The following CTTNBP2 variants were observed in gnomAD, a reference collection of about 807,000 sequenced individuals.
CTTNBP2 encodes cortactin-binding protein 2.
CTTNBP2 carries 108 observed loss-of-function variants against 156.9 expected under a neutral mutation model. That is an observed-to-expected ratio of 0.69 (90% confidence interval 0.59 to 0.81). The LOEUF (loss-of-function observed/expected upper bound fraction) is 0.81. Ranked by LOEUF, CTTNBP2 falls within the 30% of genes least tolerant of loss-of-function variation. CTTNBP2 has a pLI of 0.00. For synonymous variants in CTTNBP2, 767 were observed against 751.8 expected (o/e 1.02, Z -0.33); for missense variants, 1,924 against 2,035.4 (o/e 0.95, Z 1.05).
intron 2 of CTTNBP2, 54 bp from the exon 3 acceptor site, chr7:117,811,043 G>C: frequency 7.5e-7 from 1 of 1,333,948 alleles, no homozygotes; most frequent in Non-Finnish European, 1.1e-6. Context: ...TATACAGAAA[G>C]ATATTTATAA....
At chr7:117,752,011 A>C (rs978378137) in intron 12 of CTTNBP2, among the ~76,000 whole-genome samples, 4 of 152,212 alleles carry the variant, frequency 2.6e-5, no homozygotes, top group Non-Finnish European at 5.9e-5. Context: ...GACCTCACCC[A>C]GGCTTGCTCC....
chr7:117,715,194 G>C (rs1794275477), intron 22 of CTTNBP2, among the ~76,000 whole-genome samples: 1 of 152,090 alleles, frequency 6.6e-6, no homozygotes, highest in Non-Finnish European at 1.5e-5. Flanking sequence ...TCTTTAAAGA[G>C]GCACAGGACT....
At chr7:117,837,197 C>G (rs757162504) in intron 2 of CTTNBP2, among the ~76,000 whole-genome samples, 10 of 152,196 alleles carry the variant, frequency 6.6e-5, no homozygotes, top group Non-Finnish European at 1.5e-4. Context: ...GCCAATATAT[C>G]TCTTAGGAGG....
At position 117,711,778 on chromosome 7, in the gene CTTNBP2, A is replaced by AC. The variant is rs772908880; in HGVS notation, c.4750dup (p.Val1584GlyfsTer11). ...AGTTTGATGGCTGCTGAGAGGACTG[A>AC]CCTCCTGTAAGAGACAAGAAACCAC... is the stretch of plus-strand genomic sequence containing the variant. On this transcript the variant is annotated frameshift_variant, in exon 23 of 23. Transcript: ENST00000160373. LOFTEE classifies it high-confidence loss of function. The AC allele has an allele frequency of 3.7e-5, 59 of 1,609,746 alleles. No homozygotes were observed. The African/African-American group carries it at 7.6e-4, about 21-fold the overall frequency.
intron 2 of CTTNBP2, among the ~76,000 whole-genome samples, chr7:117,837,492 A>G (rs1802027732): frequency 6.6e-6 from 1 of 152,152 alleles, no homozygotes; most frequent in African/African-American, 2.4e-5. Context: ...TACCAACTAC[A>G]GGTTGAAGAT....
chr7:117,780,757 T>A lies in CTTNBP2; in HGVS notation c.2373-166A>T, dbSNP rs192662999. Among the ~76,000 whole-genome samples the A allele has an allele frequency of 1.9e-4, 29 of 152,328 alleles. 1 individual carries two copies. Among genetic ancestry groups the A allele is most frequent in the African/African-American group, 7.0e-4 (29 of 41,572 alleles). On this transcript the variant is annotated intron_variant, in intron 6 of 22. Coordinates refer to ENST00000160373, the MANE Select transcript of CTTNBP2 (RefSeq NM_033427.3). ...ATTATGGATCTTATTACATGACTAC[T>A]GTTTTTTTCACAAGGCTAGAAAATA...
intron 8 of CTTNBP2, among the ~76,000 whole-genome samples, chr7:117,769,603 T>C (rs1483171029): frequency 6.6e-6 from 1 of 152,196 alleles, no homozygotes; most frequent in Non-Finnish European, 1.5e-5. Context: ...TTTAAGAAAT[T>C]GCTAAGCTAA....
At chr7:117,836,254 A>G (rs762032875) in intron 2 of CTTNBP2, among the ~76,000 whole-genome samples, 1 of 152,068 alleles carries the variant, frequency 6.6e-6, no homozygotes, top group Non-Finnish European at 1.5e-5. Context: ...CTTCCACCCC[A>G]CTTTTCTTTT....
At chr7:117,720,020 C>A (rs1301676539) in intron 20 of CTTNBP2, among the ~76,000 whole-genome samples, 1 of 152,188 alleles carries the variant, frequency 6.6e-6, no homozygotes, top group East Asian at 1.9e-4. Context: ...TATGACCATG[C>A]ACCAGGTTTT....
chr7:117,733,092 C>T (rs1327226114), intron 16 of CTTNBP2, among the ~76,000 whole-genome samples: 2 of 152,124 alleles, frequency 1.3e-5, no homozygotes, highest in Non-Finnish European at 1.5e-5. Flanking sequence ...TTGTATCTCT[C>T]CAAGGAACTA....
At chr7:117,835,094 C>T (rs1554442401) in intron 2 of CTTNBP2, among the ~76,000 whole-genome samples, 1 of 152,218 alleles carries the variant, frequency 6.6e-6, no homozygotes, top group Non-Finnish European at 1.5e-5. Context: ...AATTCTAAAC[C>T]TGAGCAGCTC....
chr7:117,827,064 G>T (rs1458766887), intron 2 of CTTNBP2, among the ~76,000 whole-genome samples: 1 of 151,954 alleles, frequency 6.6e-6, no homozygotes, highest in South Asian at 2.1e-4. Context: ...TCACCATGTT[G>T]GGCAGGCTGG....
intron 1 of CTTNBP2, among the ~76,000 whole-genome samples, chr7:117,864,795 T>C (rs1804039587): frequency 7.3e-6 from 1 of 137,678 alleles, no homozygotes; most frequent in South Asian, 2.3e-4. Flanking sequence ...TATATATTCA[T>C]TCTATATTCA....
chr7:117,857,784 T>C (rs564032996), intron 2 of CTTNBP2, among the ~76,000 whole-genome samples: 2 of 152,176 alleles, frequency 1.3e-5, no homozygotes, highest in East Asian at 1.9e-4. Context: ...TAGGAGTAAA[T>C]TGATCTCATA....
chr7:117,727,932 A>C (rs578223819), intron 17 of CTTNBP2, among the ~76,000 whole-genome samples, 157 bp downstream of exon 17: 50 of 152,336 alleles, frequency 3.3e-4, no homozygotes, highest in Admixed American at 6.5e-4. Context: ...CACAGTAGGC[A>C]AGCTGTGGCC....
intron 3 of CTTNBP2, among the ~76,000 whole-genome samples, chr7:117,802,063 C>T (rs992873853): frequency 7.5e-5 from 9 of 119,742 alleles, no homozygotes; most frequent in Admixed American, 7.2e-4. Context: ...CCCCCTCCCC[C>T]CACCCCACCA....
chr7:117,720,980 A>ATAT (rs60017290), intron 20 of CTTNBP2, 87 bp downstream of exon 20: 7 of 892,440 alleles, frequency 7.8e-6, no homozygotes, highest in Non-Finnish European at 1.3e-5. Flanking sequence ...AGTCATTCAA[A>ATAT]TGAGAACATG....
Position 117,777,671 on chromosome 7 carries a change from G to C in CTTNBP2, c.2618C>G (p.Ser873Cys). ...MYHRIPAHGN[S>C]FNEEESESSV... is the part of the protein sequence containing the mutation. Reference sequence around the variant, plus strand: ...TGACTCGGACTCCTCCTCATTGAAAGAATTTCCATGAGCTGGTATTCTATG... The same window carrying C: ...TGACTCGGACTCCTCCTCATTGAAACAATTTCCATGAGCTGGTATTCTATG... Residue 873 changes from serine to cysteine, a missense_variant, in exon 8 of 23, where the codon TCT becomes TGT. By Grantham distance (112) the Ser-to-Cys change is moderately radical. Transcript: ENST00000160373. The C allele has an allele frequency of 1.2e-6, 2 of 1,613,954 alleles. No homozygotes were observed. Among genetic ancestry groups the C allele is most frequent in the Non-Finnish European group, 1.7e-6 (2 of 1,179,862 alleles).
intron 2 of CTTNBP2, among the ~76,000 whole-genome samples, chr7:117,843,769 A>T (rs1266773881): frequency 6.6e-6 from 1 of 152,176 alleles, no homozygotes; most frequent in Non-Finnish European, 1.5e-5. Flanking sequence ...GCAGCTACAC[A>T]AGTGGGAGGA....
Sources: gnomAD v4.1 joint callset for allele counts (sites outside exome capture counted in the v4.1 genomes callset) on GRCh38, gnomAD v4.1.1 for gene constraint, MANE v1.5 for transcripts, NCBI Gene and HGNC (gene_info 2026-07-23, HGNC 2026-07-21) for gene names.